The following FMNL3 variants were observed in gnomAD, a reference collection of about 807,000 sequenced individuals.
FMNL3 encodes formin-like protein 3.
Under a neutral mutation model 119.6 loss-of-function variants are expected in FMNL3, and 57 were observed. The observed-to-expected ratio is 0.48, with a 90% CI of 0.39 to 0.59. The LOEUF (loss-of-function observed/expected upper bound fraction) is 0.59. FMNL3 is among the 20% of genes least tolerant of loss of function. The pLI, the probability that FMNL3 is intolerant of heterozygous loss-of-function variation, is 0.00. For missense variants in FMNL3, 1,053 were observed against 1,323.5 expected, an observed-to-expected ratio of 0.80 and a Z score of 3.17; for synonymous variants, 491 against 507.3, an observed-to-expected ratio of 0.97 and a Z score of 0.43.
At position 49,642,268 on chromosome 12, in the gene FMNL3, C is replaced by T. The variant is rs1942779602; in HGVS notation, c.*3547G>A. 4 of 1,614,038 alleles carry T rather than the reference C, an allele frequency of 2.5e-6. No individual in the cohort carries two copies. The highest frequency in any genetic ancestry group is 1.3e-5 in the African/African-American group (1 of 74,932). Reference sequence around the variant, plus strand: ...GAAAGCAGAGGCACGGGAGAGGGAGCGGGAGAAGGAGGAGGCACGCAGGAT... The same window carrying T: ...GAAAGCAGAGGCACGGGAGAGGGAGTGGGAGAAGGAGGAGGCACGCAGGAT... On this transcript the variant is annotated 3_prime_UTR_variant, in exon 26 of 26. Coordinates refer to ENST00000335154, the MANE Select transcript of FMNL3 (RefSeq NM_175736.5). This position sits in a 1 kb window ranked among gnomAD's most constrained non-coding sequence, Gnocchi z 5.8.
At position 49,695,915 on chromosome 12, in the gene FMNL3, C is replaced by G. The variant is rs1026930632; in HGVS notation, c.126+11140G>C. Among the ~76,000 whole-genome samples the G allele has an allele frequency of 6.6e-5, 10 of 152,050 alleles. No individual in the cohort carries two copies. In the South Asian group the frequency reaches 2.1e-3, roughly 32 times the overall value. ...TCCCAGGCAGATGCTGGGAAGCTCACTACCCAGATATTCCCCCAAGGACCT... is the reference window on the plus strand; with the variant it reads ...TCCCAGGCAGATGCTGGGAAGCTCAGTACCCAGATATTCCCCCAAGGACCT... On this transcript the variant is annotated intron_variant, in intron 1 of 25. Transcript: ENST00000335154.
chr12:49,657,182 G>T lies in FMNL3; in HGVS notation c.614C>A (p.Thr205Asn), dbSNP rs1351172140. Residue 205 changes from threonine to asparagine, a missense_variant, in exon 7 of 26, where the codon ACT (threonine) becomes AAT (asparagine). Coordinates refer to ENST00000335154, the MANE Select transcript of FMNL3 (RefSeq NM_175736.5). ...SARQSVLRYSTLPGRRALKNS... is the reference protein window; with the variant it reads ...SARQSVLRYSNLPGRRALKNS... ...CTTCAGGGCCCTGCGCCCAGGGAGA[G>T]TGCTATACCTGGGGAGATGGGCCAG... 6.2e-7 allele frequency: 1 copy of T among 1,613,950 alleles called. No homozygotes were observed. The highest frequency in any genetic ancestry group is 8.5e-7 in the Non-Finnish European group (1 of 1,179,880).
chr12:49,673,333 C>A (rs545780868), intron 1 of FMNL3, among the ~76,000 whole-genome samples: 41 of 152,338 alleles, frequency 2.7e-4, no homozygotes, highest in Non-Finnish European at 3.7e-4. Context: ...CAAGTGGACA[C>A]AAAATTTGGG....
chr12:49,706,990 T>C, intron 1 of FMNL3, 65 bp downstream of exon 1: 1 of 1,528,154 alleles, frequency 6.5e-7, no homozygotes, highest in Non-Finnish European at 8.8e-7. Context: ...CAGCACAAAG[T>C]CCCAGCCCGG....
chr12:49,678,683 G>A (rs1295177389), intron 1 of FMNL3, among the ~76,000 whole-genome samples: 5 of 151,838 alleles, frequency 3.3e-5, no homozygotes, highest in African/African-American at 7.3e-5. Context: ...GGCTGGTCTC[G>A]AACTCCTGGA....
rs1049954174 is a variant in FMNL3, at chr12:49,640,581, G to A, written c.*5234C>T. 17 of 152,204 alleles carry A rather than the reference G, an allele frequency of 1.1e-4. No individual in the cohort carries two copies. The highest frequency in any genetic ancestry group is 3.4e-4 in the African/African-American group (14 of 41,448). 9.4% of individuals were successfully genotyped at this position (152,204 alleles called of 1,614,324 possible). On this transcript the variant is annotated 3_prime_UTR_variant, in exon 26 of 26. Transcript: ENST00000335154. ...TGGCATGGGGGCAGCACATGTTTTA[G>A]AGTCAGATTACTCCTGGTTGCTTAT...
Position 49,639,515 on chromosome 12 carries a change from T to C in FMNL3, c.*6300A>G, listed in dbSNP as rs755072227. 6.6e-6 allele frequency: 1 copy of C among 152,272 alleles called. No homozygotes were observed. The highest frequency in any genetic ancestry group is 1.5e-5 in the Non-Finnish European group (1 of 68,050). 9.4% of individuals were successfully genotyped at this position (152,272 alleles called of 1,614,324 possible). Reference sequence around the variant, plus strand: ...CAGGCTGTAGCGCTCCAGCTGTTCTTCTGAGACACTCTGGGTTTCTATGTA... The same window carrying C: ...CAGGCTGTAGCGCTCCAGCTGTTCTCCTGAGACACTCTGGGTTTCTATGTA... On this transcript the variant is annotated 3_prime_UTR_variant, in exon 26 of 26. Transcript: ENST00000335154.
rs911467229 is a variant in FMNL3 at position 49,662,040 on chromosome 12, C to T, written c.378G>A (p.Arg126=). The T allele has an allele frequency of 1.9e-6, 3 of 1,613,970 alleles. No individual in the cohort carries two copies. The highest frequency in any genetic ancestry group is 2.5e-6 in the Non-Finnish European group (3 of 1,180,028). Residue 126 remains arginine (R), a synonymous_variant, in exon 5 of 26, where the codon CGG becomes CGA. Transcript: ENST00000335154. The part of the protein sequence containing the change: ...SLRTNHIGWV[R]EFLNDENKGL... ...CTTTGTTTTCATCATTCAGAAATTC[C>T]CGCACCCACCTGCAGATAAAGGAAA...
intron 5 of FMNL3, among the ~76,000 whole-genome samples, chr12:49,661,504 C>T (rs1215388738): frequency 6.6e-6 from 1 of 152,216 alleles, no homozygotes; most frequent in Non-Finnish European, 1.5e-5. Flanking sequence ...ATTTTTCTAT[C>T]CAGGTCAAAA....
Position 49,668,554 on chromosome 12 carries a change from T to C in FMNL3, c.127A>G (p.Ser43Gly). 1.2e-6 allele frequency: 2 copies of C among 1,614,058 alleles called. No individual in the cohort carries two copies. Among genetic ancestry groups the C allele is most frequent in the Non-Finnish European group, 1.7e-6 (2 of 1,179,954 alleles). ...TTGTCTGGAGGCAGGTTCATGGAGC[T>C]CTGAGGAGAGAACCTGAGTCAACAA... ...ELEERFALVL[S>G]SMNLPPDKAR... is the part of the protein sequence containing the mutation. Residue 43 changes from serine (S) to glycine (G), a missense_variant and splice_region_variant, in exon 2 of 26, where the codon AGC becomes GGC. By Grantham distance (56) the Ser-to-Gly change is moderately conservative. This residue lies in a region of FMNL3 where 264 missense variants were observed against 265.5 expected (regional missense o/e 0.99). Coordinates refer to ENST00000335154, the MANE Select transcript of FMNL3 (RefSeq NM_175736.5).
Position 49,642,759 on chromosome 12 carries a change from T to C in FMNL3, c.*3056A>G. The C allele has an allele frequency of 1.3e-6, 2 of 1,491,472 alleles. No individual in the cohort carries two copies. Among genetic ancestry groups the C allele is most frequent in the Middle Eastern group, 1.7e-4 (1 of 5,860 alleles). The allele number at this position is 1,491,472 out of a possible 1,614,324, so 92.4% of individuals were successfully genotyped here. On this transcript the variant is annotated 3_prime_UTR_variant, in exon 26 of 26. Coordinates refer to ENST00000335154, the MANE Select transcript of FMNL3 (RefSeq NM_175736.5). The surrounding 1 kb of genome is among the most constrained non-coding windows in gnomAD (Gnocchi z 5.8). ...AACAGAGACCTCAGTGGCCTCCCTC[T>C]TACCCTTAGGGCACTCCTGGCCAGC... is the stretch of plus-strand genomic sequence containing the variant.
intron 25 of FMNL3, 44 bp from the exon 26 acceptor site, chr12:49,645,947 G>A: frequency 6.4e-7 from 1 of 1,568,244 alleles, no homozygotes; most frequent in South Asian, 1.1e-5. Flanking sequence ...GGGAGGGTGA[G>A]CCAGGACAGT....
intron 13 of FMNL3, among the ~76,000 whole-genome samples, chr12:49,652,964 T>TGGGTTGGA (rs1943452414): frequency 6.6e-6 from 1 of 152,092 alleles, no homozygotes; most frequent in African/African-American, 2.4e-5. Flanking sequence ...GGAGGAGGCC[T>TGGGTTGGA]GGGTTGGAAC....
intron 1 of FMNL3, among the ~76,000 whole-genome samples, chr12:49,693,664 T>TTTTTTTG (rs1944674046): frequency 7.0e-6 from 1 of 142,702 alleles, no homozygotes; most frequent in Non-Finnish European, 1.5e-5. Context: ...TTTTTTTTTT[T>TTTTTTTG]TGAGACAGAG....
chr12:49,674,560 AGCTT>A (rs1339129734), intron 1 of FMNL3, among the ~76,000 whole-genome samples: 6 of 152,248 alleles, frequency 3.9e-5, no homozygotes, highest in Non-Finnish European at 7.3e-5. Flanking sequence ...CTAGCTACAC[AGCTT>A]TCTCTAGGCC....
chr12:49,693,173 T>C (rs1277708857), intron 1 of FMNL3, among the ~76,000 whole-genome samples: 6 of 152,164 alleles, frequency 3.9e-5, no homozygotes, highest in Non-Finnish European at 7.3e-5. Context: ...ATTTAATTTA[T>C]ATTTTAAATT....
At chr12:49,663,943 T>C (rs558184678) in intron 4 of FMNL3, among the ~76,000 whole-genome samples, 1 of 149,346 alleles carries the variant, frequency 6.7e-6, no homozygotes, top group Non-Finnish European at 1.5e-5. Flanking sequence ...CTCTACTAAA[T>C]TTTTTTTTTT....
In FMNL3 at chr12:49,653,095, C is replaced by T. The variant is rs1001938232; in HGVS notation, c.1323+131G>A. 1.7e-5 allele frequency: 14 copies of T among 842,700 alleles called. No homozygotes were observed. The African/African-American group carries it at 1.8e-4, about 11-fold the overall frequency. 52.2% of individuals were successfully genotyped at this position (842,700 alleles called of 1,614,324 possible). ...GGGTGAAATCATCAGCCCACCCACA[C>T]CTGAGTACCTCAAGGGTGAATCAAG... On this transcript the variant is annotated intron_variant, in intron 13 of 25. Transcript: ENST00000335154.
Position 49,637,964 on chromosome 12 carries a change from C to G in FMNL3, c.*7851G>C. 1.5e-6 allele frequency: 1 copy of G among 661,444 alleles called. No individual in the cohort carries two copies. The highest frequency in any genetic ancestry group is 2.7e-6 in the Non-Finnish European group (1 of 373,042). The allele number at this position is 661,444 out of a possible 1,614,324, so 41.0% of individuals were successfully genotyped here. ...ATCTACTGTGATCCTTTACTGCACACTAGGGATACAGTAATGAATACACAA... is the reference window on the plus strand; with the variant it reads ...ATCTACTGTGATCCTTTACTGCACAGTAGGGATACAGTAATGAATACACAA... On this transcript the variant is annotated 3_prime_UTR_variant, in exon 26 of 26. Coordinates refer to ENST00000335154, the MANE Select transcript of FMNL3 (RefSeq NM_175736.5).
Sources: gnomAD v4.1 joint callset for allele counts (sites outside exome capture counted in the v4.1 genomes callset) on GRCh38, gnomAD v4.1.1 for gene constraint, gnomAD v4.1.1 regional missense constraint, Gnocchi (gnomAD v3.1) non-coding constraint, MANE v1.5 for transcripts, NCBI Gene and HGNC (gene_info 2026-07-23, HGNC 2026-07-21) for gene names.